DENND1A: variants seen among roughly 807,000 people sequenced by gnomAD.
DENND1A encodes the protein DENN domain-containing protein 1A.
DENND1A carries 51 observed loss-of-function variants against 113.7 expected under a neutral mutation model. The ratio of observed to expected loss-of-function variants is 0.45; its 90% confidence interval spans 0.36 to 0.57. DENND1A has a LOEUF of 0.57. Ranked by LOEUF, DENND1A falls within the 20% of genes least tolerant of loss-of-function variation. DENND1A has a pLI of 0.00. For synonymous variants in DENND1A, 565 were observed against 570.8 expected, an observed-to-expected ratio of 0.99 and a Z score of 0.14; for missense variants, 1,258 against 1,395.9, an observed-to-expected ratio of 0.90 and a Z score of 1.57.
At chr9:123,473,190 G>A (rs184887807) in intron 13 of DENND1A, among the ~76,000 whole-genome samples, 1 of 152,164 alleles carries the variant, frequency 6.6e-6, no homozygotes, top group Admixed American at 6.5e-5. Flanking sequence ...TTATTCTACT[G>A]CAAATCAGGC....
At position 123,587,776 on chromosome 9, in the gene DENND1A, A is replaced by G. The variant is rs528693615; in HGVS notation, c.766-4506T>C. Among the ~76,000 whole-genome samples the G allele has an allele frequency of 2.7e-4, 41 of 152,336 alleles. 1 individual carries two copies. In the South Asian group the frequency reaches 8.3e-3, roughly 31 times the overall value. ...CTGCATGCAATTTTGTATTTACAAT[A>G]ATCAGGAGCATTTCATCTTTTATTC... is the stretch of plus-strand genomic sequence containing the variant. On this transcript the variant is annotated intron_variant, in intron 11 of 23. Coordinates refer to ENST00000394215, the MANE Select transcript of DENND1A (RefSeq NM_001352964.2).
chr9:123,635,735 A>T (rs1417609731), intron 9 of DENND1A, among the ~76,000 whole-genome samples: 1 of 152,218 alleles, frequency 6.6e-6, no homozygotes, highest in Non-Finnish European at 1.5e-5. Context: ...ACAATGAAGT[A>T]ATTATTATTA....
intron 13 of DENND1A, among the ~76,000 whole-genome samples, chr9:123,510,765 C>A (rs999963605): frequency 3.3e-5 from 5 of 152,192 alleles, no homozygotes; most frequent in Admixed American, 2.6e-4. Flanking sequence ...TTTCTTAACA[C>A]AGAAGGTGGA....
chr9:123,922,751 C>T (rs1309601355), intron 1 of DENND1A, among the ~76,000 whole-genome samples: 1 of 152,174 alleles, frequency 6.6e-6, no homozygotes, highest in Non-Finnish European at 1.5e-5. Context: ...AATGCCCTTG[C>T]CCTCAACAGT....
chr9:123,557,538 C>T (rs2057488416), intron 13 of DENND1A, 32 bp downstream of exon 13: 4 of 1,611,052 alleles, frequency 2.5e-6, no homozygotes, highest in Non-Finnish European at 3.4e-6. Context: ...CCTGACCAAA[C>T]ACAGGCTCTG....
intron 18 of DENND1A, among the ~76,000 whole-genome samples, chr9:123,450,027 A>C (rs1034408872): frequency 6.8e-6 from 1 of 146,166 alleles, no homozygotes; most frequent in Non-Finnish European, 1.5e-5. Context: ...AATACAAAAG[A>C]AGTCAGATAA....
intron 5 of DENND1A, among the ~76,000 whole-genome samples, chr9:123,698,060 T>C (rs548914591): frequency 6.6e-6 from 1 of 152,274 alleles, no homozygotes; most frequent in East Asian, 1.9e-4. Context: ...ACTCTATCCT[T>C]ATCATATCAT....
At chr9:123,739,131 C>A (rs1428918966) in intron 5 of DENND1A, among the ~76,000 whole-genome samples, 1 of 152,076 alleles carries the variant, frequency 6.6e-6, no homozygotes, top group Non-Finnish European at 1.5e-5. Flanking sequence ...ATCTGTTCAA[C>A]CACTCTGATT....
intron 5 of DENND1A, among the ~76,000 whole-genome samples, chr9:123,742,154 C>T (rs925871832): frequency 6.6e-6 from 1 of 151,658 alleles, no homozygotes; most frequent in African/African-American, 2.4e-5. Context: ...AGGAAGTTGT[C>T]AATTCCAATT....
intron 9 of DENND1A, among the ~76,000 whole-genome samples, chr9:123,644,562 C>A (rs1423137817): frequency 2.0e-5 from 3 of 152,124 alleles, no homozygotes; most frequent in Non-Finnish European, 2.9e-5. Flanking sequence ...TAACAACATG[C>A]CTCTGGCTCC....
At chr9:123,464,962 A>C (rs2048814137) in intron 13 of DENND1A, among the ~76,000 whole-genome samples, 1 of 148,082 alleles carries the variant, frequency 6.8e-6, no homozygotes, top group East Asian at 2.0e-4. Flanking sequence ...CAGCCTGGCC[A>C]ACATGACAAA....
chr9:123,583,495 G>C (rs193060925), intron 11 of DENND1A, among the ~76,000 whole-genome samples: 9 of 152,204 alleles, frequency 5.9e-5, no homozygotes, highest in African/African-American at 7.2e-5. Context: ...GAGTGAAAAG[G>C]GTTCACAGAG....
intron 22 of DENND1A, among the ~76,000 whole-genome samples, chr9:123,385,897 G>A (rs1588261410): frequency 2.0e-5 from 3 of 152,342 alleles, no homozygotes; most frequent in East Asian, 3.9e-4. Flanking sequence ...GTCAGTCAGT[G>A]TGCTTCTGGA....
intron 21 of DENND1A, among the ~76,000 whole-genome samples, chr9:123,391,821 C>A (rs147370674): frequency 6.6e-6 from 1 of 150,722 alleles, no homozygotes; most frequent in African/African-American, 2.4e-5. Context: ...TACTCCCCTG[C>A]GGTCTGCCAC....
chr9:123,515,221 A>G (rs2053805392), intron 13 of DENND1A, among the ~76,000 whole-genome samples: 2 of 152,262 alleles, frequency 1.3e-5, no homozygotes, highest in South Asian at 4.1e-4. Flanking sequence ...TCAACTGGGA[A>G]AACTGTATGT....
chr9:123,846,065 A>G (rs977424143), intron 2 of DENND1A, among the ~76,000 whole-genome samples: 1 of 152,236 alleles, frequency 6.6e-6, no homozygotes, highest in Non-Finnish European at 1.5e-5. Context: ...TTCTCCACAG[A>G]AAATATACAA....
intron 11 of DENND1A, among the ~76,000 whole-genome samples, chr9:123,587,174 T>C (rs2059215338): frequency 6.6e-6 from 1 of 152,108 alleles, no homozygotes; most frequent in South Asian, 2.1e-4. Flanking sequence ...TTTAGGGTCA[T>C]TTGATTATGC....
chr9:123,757,114 T>A (rs972948294), intron 5 of DENND1A, among the ~76,000 whole-genome samples: 1 of 152,162 alleles, frequency 6.6e-6, no homozygotes, highest in Non-Finnish European at 1.5e-5. Flanking sequence ...GCCTTACCCC[T>A]CTGGCAGGAG....
chr9:123,661,315 G>A (rs2063222173), intron 8 of DENND1A, among the ~76,000 whole-genome samples: 1 of 152,200 alleles, frequency 6.6e-6, no homozygotes, highest in African/African-American at 2.4e-5. Context: ...GAACCAGAAA[G>A]GCCTGGTGAC....
Sources: allele counts gnomAD v4.1 joint callset (sites outside exome capture counted in the v4.1 genomes callset), GRCh38; gene constraint gnomAD v4.1.1; transcripts MANE v1.5; gene names NCBI Gene and HGNC (gene_info 2026-07-23, HGNC 2026-07-21).